Variants in HPSE2 observed in about 807,000 individuals in gnomAD.
The protein encoded by HPSE2 is heparanase 2 (inactive), also known as inactive heparanase-2.
HPSE2 carries 38 observed loss-of-function variants against 60.5 expected under a neutral mutation model. That is an observed-to-expected ratio of 0.63 (90% CI 0.48 to 0.82). HPSE2 has a LOEUF of 0.82. Ranked by LOEUF, HPSE2 falls within the 40% of genes least tolerant of loss-of-function variation. The pLI is 0.00. For missense variants in HPSE2, 713 were observed against 740.4 expected, an observed-to-expected ratio of 0.96 and a Z score of 0.43; for synonymous variants, 295 against 293.2, an observed-to-expected ratio of 1.01 and a Z score of -0.06.
chr10:98,749,947 T>TATATATATATATATATACACACACACAC, intron 3 of HPSE2, among the ~76,000 whole-genome samples: 7 of 98,466 alleles, frequency 7.1e-5, no homozygotes, highest in East Asian at 5.7e-4. Flanking sequence ...TATATATATA[T>TATATATATATATATATACACACACACAC]ACACACACAC....
intron 3 of HPSE2, among the ~76,000 whole-genome samples, chr10:98,832,610 G>A (rs1296827401): frequency 6.6e-6 from 1 of 152,270 alleles, no homozygotes; most frequent in South Asian, 2.1e-4. Context: ...CCAGATTAGA[G>A]ACAACTTGTG....
chr10:98,659,019 A>G (rs768953641), intron 6 of HPSE2, among the ~76,000 whole-genome samples: 2 of 151,942 alleles, frequency 1.3e-5, no homozygotes, highest in African/African-American at 2.4e-5. Context: ...TACAACCATC[A>G]TCATTATCTA....
At chr10:98,631,720 T>G (rs1477414917) in intron 7 of HPSE2, among the ~76,000 whole-genome samples, 1 of 152,200 alleles carries the variant, frequency 6.6e-6, no homozygotes, top group Non-Finnish European at 1.5e-5. Flanking sequence ...GCCTTGCATA[T>G]AGCAGGACCT....
chr10:98,976,212 A>C (rs1770015708), intron 3 of HPSE2, among the ~76,000 whole-genome samples: 1 of 152,156 alleles, frequency 6.6e-6, no homozygotes, highest in Non-Finnish European at 1.5e-5. Context: ...AAGGAAAGAG[A>C]CTATACATAT....
chr10:99,127,454 A>G (rs1845206942), intron 3 of HPSE2, among the ~76,000 whole-genome samples: 2 of 152,204 alleles, frequency 1.3e-5, no homozygotes, highest in Non-Finnish European at 2.9e-5. Flanking sequence ...AAGAAAAAAG[A>G]ATTTGAGAAA....
the HPSE2 span, among the ~76,000 whole-genome samples, chr10:99,241,573 A>C: frequency 1.3e-5 from 2 of 152,186 alleles, no homozygotes; most frequent in Non-Finnish European, 2.9e-5. Flanking sequence ...CCTGAGCAAC[A>C]CAGTGAGACT....
intron 2 of HPSE2, among the ~76,000 whole-genome samples, chr10:99,220,528 G>C (rs1298514489): frequency 6.6e-6 from 1 of 152,164 alleles, no homozygotes; most frequent in Admixed American, 6.6e-5. Flanking sequence ...ATGGAGGCCA[G>C]GTGTGGTGGT....
At chr10:98,789,978 T>C (rs903194470) in intron 3 of HPSE2, among the ~76,000 whole-genome samples, 10 of 152,158 alleles carry the variant, frequency 6.6e-5, no homozygotes, top group African/African-American at 2.4e-4. Context: ...CCTGTGTTTA[T>C]TTGTCAGCTC....
rs542791292 is a variant in HPSE2, at chr10:99,181,879, TA to T, written c.449-37481del. On this transcript the variant is annotated intron_variant, in intron 2 of 11. Coordinates refer to ENST00000370552, the MANE Select transcript of HPSE2 (RefSeq NM_021828.5). ...GTATCCCAGAACTTAAAGTATAATT[TA>T]AAAAAAAAAGAAGAGGGAGATTAGG... is the stretch of plus-strand genomic sequence containing the variant. 2.1e-4 allele frequency among the ~76,000 whole-genome samples: 31 copies of T among 147,536 alleles called. 1 individual carries two copies. In the South Asian group the frequency reaches 4.7e-3, roughly 23 times the overall value.
intron 2 of HPSE2, among the ~76,000 whole-genome samples, chr10:99,153,806 G>T (rs1273520056): frequency 2.6e-5 from 4 of 152,122 alleles, no homozygotes; most frequent in Non-Finnish European, 4.4e-5. Flanking sequence ...ATTACTCTGA[G>T]CTACGGGAGG....
At chr10:98,541,709 C>A (rs1943468452) in intron 9 of HPSE2, among the ~76,000 whole-genome samples, 1 of 152,192 alleles carries the variant, frequency 6.6e-6, no homozygotes, top group Non-Finnish European at 1.5e-5. Flanking sequence ...CGGAGTCTTG[C>A]TGATTGCTAG....
At chr10:98,745,902 G>A (rs1439584017) in intron 3 of HPSE2, among the ~76,000 whole-genome samples, 2 of 152,078 alleles carry the variant, frequency 1.3e-5, no homozygotes, top group Non-Finnish European at 2.9e-5. Flanking sequence ...TACCCCATTA[G>A]CAATTTTGTT....
chr10:98,788,734 T>C (rs970949020), intron 3 of HPSE2, among the ~76,000 whole-genome samples: 5 of 151,820 alleles, frequency 3.3e-5, no homozygotes, highest in Admixed American at 3.3e-4. Context: ...CCCCTTTCTT[T>C]GACTCGGAAA....
intron 9 of HPSE2, among the ~76,000 whole-genome samples, chr10:98,605,614 C>T (rs144701000): frequency 6.0e-4 from 91 of 152,158 alleles, no homozygotes; most frequent in African/African-American, 1.8e-3. Flanking sequence ...CAAGTTCAGT[C>T]GGGGATCCCA....
intron 3 of HPSE2, among the ~76,000 whole-genome samples, chr10:98,863,885 A>G (rs1952521025): frequency 6.6e-6 from 1 of 152,158 alleles, no homozygotes; most frequent in Non-Finnish European, 1.5e-5. Context: ...AGTGAATTTC[A>G]TTATTATTCA....
intron 2 of HPSE2, among the ~76,000 whole-genome samples, chr10:99,152,731 A>G (rs56327130): frequency 0.031 from 4,763 of 152,312 alleles, 116 homozygotes; most frequent in Middle Eastern, 0.085. Context: ...AAAACAACTG[A>G]AAATGAGGGG....
chr10:98,656,026 G>A (rs974040324), intron 6 of HPSE2, among the ~76,000 whole-genome samples: 2 of 151,790 alleles, frequency 1.3e-5, no homozygotes, highest in African/African-American at 4.8e-5. Flanking sequence ...TCCAACATGT[G>A]AGAAAAGCAA....
chr10:99,102,376 A>C (rs554942529), intron 3 of HPSE2, among the ~76,000 whole-genome samples: 1 of 152,348 alleles, frequency 6.6e-6, no homozygotes, highest in Non-Finnish European at 1.5e-5. Context: ...AAACGAGAAA[A>C]TCTAGAAGAA....
intron 9 of HPSE2, among the ~76,000 whole-genome samples, chr10:98,559,394 TC>T (rs1285886147): frequency 6.6e-6 from 1 of 152,260 alleles, no homozygotes; most frequent in East Asian, 1.9e-4. Context: ...CCCTGTGTAC[TC>T]TTTCCTTCTG....
Sources: allele counts gnomAD v4.1 joint callset (sites outside exome capture counted in the v4.1 genomes callset), GRCh38; gene constraint gnomAD v4.1.1; transcripts MANE v1.5; gene names NCBI Gene and HGNC (gene_info 2026-07-23, HGNC 2026-07-21).